ANKRD33B: variants seen among roughly 807,000 people sequenced by gnomAD.
ANKRD33B encodes the protein ankyrin repeat domain 33B, also known as ankyrin repeat domain-containing protein 33B.
In ANKRD33B, 6 loss-of-function variants were observed where a neutral mutation model predicts 21.5. The ratio of observed to expected loss-of-function variants is 0.28; its 90% CI spans 0.15 to 0.55. The LOEUF is 0.55. Ranked by LOEUF, ANKRD33B falls within the 20% of genes least tolerant of loss-of-function variation. ANKRD33B has a pLI of 0.94. For missense variants in ANKRD33B, 698 were observed against 747.2 expected (o/e 0.93, Z 0.77); for synonymous variants, 347 against 342.4 (o/e 1.01, Z -0.15).
intron 1 of ANKRD33B, among the ~76,000 whole-genome samples, chr5:10,583,821 G>C (rs1228319209): frequency 6.6e-6 from 1 of 152,210 alleles, no homozygotes; most frequent in Non-Finnish European, 1.5e-5. Flanking sequence ...TCCTGGCTCT[G>C]TAAATGCTTC....
intron 1 of ANKRD33B, among the ~76,000 whole-genome samples, chr5:10,569,323 G>C (rs1405405683): frequency 6.6e-6 from 1 of 152,176 alleles, no homozygotes. Context: ...TAGGCTGGGC[G>C]TGGTGGCTCC....
At chr5:10,569,002 A>C (rs1297728337) in intron 1 of ANKRD33B, among the ~76,000 whole-genome samples, 1 of 152,148 alleles carries the variant, frequency 6.6e-6, no homozygotes, top group East Asian at 1.9e-4. Context: ...ATTTATAGCG[A>C]TGATCAGGGC....
At chr5:10,608,063 A>G (rs1467354859) in intron 1 of ANKRD33B, among the ~76,000 whole-genome samples, 2 of 152,122 alleles carry the variant, frequency 1.3e-5, no homozygotes, top group African/African-American at 4.8e-5. Flanking sequence ...GAATAGCAAC[A>G]GCAGGCTGAG....
At chr5:10,638,273 A>C in intron 3 of ANKRD33B, 105 bp downstream of exon 3, 1 of 1,331,564 alleles carries the variant, frequency 7.5e-7, no homozygotes, top group Non-Finnish European at 1.0e-6. Flanking sequence ...AACAATGCCT[A>C]GTTGCTGCAA....
intron 1 of ANKRD33B, among the ~76,000 whole-genome samples, chr5:10,604,238 C>A (rs1268359640): frequency 1.5e-5 from 2 of 129,810 alleles, no homozygotes; most frequent in Non-Finnish European, 3.1e-5. Flanking sequence ...GTCACCCGGG[C>A]TGGAGTACAG....
intron 1 of ANKRD33B, among the ~76,000 whole-genome samples, chr5:10,605,509 GT>G (rs1736027979): frequency 6.6e-6 from 1 of 151,454 alleles, no homozygotes; most frequent in African/African-American, 2.4e-5. Context: ...TTCTCATTGA[GT>G]TTCTTTCTTT....
chr5:10,612,500 T>C (rs552422985), intron 1 of ANKRD33B, among the ~76,000 whole-genome samples: 43 of 152,350 alleles, frequency 2.8e-4, no homozygotes, highest in African/African-American at 9.9e-4. Context: ...ATATGAATTT[T>C]GAAGGGACAC....
chr5:10,587,151 A>C (rs539542498), intron 1 of ANKRD33B, among the ~76,000 whole-genome samples: 1 of 152,240 alleles, frequency 6.6e-6, no homozygotes, highest in Admixed American at 6.5e-5. Flanking sequence ...AGTAGCTGGG[A>C]TTACAGACGC....
intron 1 of ANKRD33B, among the ~76,000 whole-genome samples, chr5:10,582,627 G>A (rs1304004059): frequency 6.6e-6 from 1 of 152,178 alleles, no homozygotes; most frequent in Non-Finnish European, 1.5e-5. Context: ...TGTCACAGAA[G>A]CCAGGTGACT....
intron 2 of ANKRD33B, among the ~76,000 whole-genome samples, chr5:10,623,277 C>T (rs1287437008): frequency 1.3e-5 from 2 of 152,184 alleles, no homozygotes; most frequent in African/African-American, 2.4e-5. Context: ...CGGAATTTTG[C>T]AGGGTTCACT....
At chr5:10,575,337 A>G (rs903237731) in intron 1 of ANKRD33B, among the ~76,000 whole-genome samples, 2 of 151,250 alleles carry the variant, frequency 1.3e-5, no homozygotes, top group East Asian at 3.9e-4. Flanking sequence ...GCAGGGGCAG[A>G]ATTGCTTGAA....
rs1485458487 is a variant in ANKRD33B, at chr5:10,649,560, T to G, written c.932T>G (p.Met311Arg). ...DGGVLDHMVR[M>R]TTSLYSPAVA... ...GGCGTCCTGGACCACATGGTCCGGATGACCACGAGCCTCTACAGCCCCGCC... is the reference window on the plus strand; with the variant it reads ...GGCGTCCTGGACCACATGGTCCGGAGGACCACGAGCCTCTACAGCCCCGCC... Residue 311 changes from methionine to arginine, a missense_variant, in exon 4 of 4, where the codon ATG becomes AGG. Around this residue, in one of 3 missense-constraint regions of ANKRD33B, gnomAD observed 543 missense variants for 566.5 expected, o/e 0.96. Transcript: ENST00000296657. 1 of 1,526,344 alleles carries G rather than the reference T, an allele frequency of 6.6e-7. No individual in the cohort carries two copies. The highest frequency in any genetic ancestry group is 8.8e-7 in the Non-Finnish European group (1 of 1,141,918). 94.6% of individuals were successfully genotyped at this position (1,526,344 alleles called of 1,614,324 possible).
At chr5:10,630,881 A>AAAT in intron 2 of ANKRD33B, among the ~76,000 whole-genome samples, 1 of 151,574 alleles carries the variant, frequency 6.6e-6, no homozygotes, top group Non-Finnish European at 1.5e-5. Flanking sequence ...AAAAAAAAAA[A>AAAT]AAAAAGAAGA....
chr5:10,576,973 G>A lies in ANKRD33B; in HGVS notation c.366+12140G>A, dbSNP rs1346848768. ...GAAATGGAACAGAAGCCTGTTGTGG[G>A]TGGGAGGAGAATCGGAAGCGGCATA... On this transcript the variant is annotated intron_variant, in intron 1 of 3. Transcript: ENST00000296657. This position sits in a 1 kb window ranked among gnomAD's most constrained non-coding sequence, Gnocchi z 4.1. Among the ~76,000 whole-genome samples, 3 of 152,280 alleles carry A rather than the reference G, an allele frequency of 2.0e-5. No individual in the cohort carries two copies. The highest frequency in any genetic ancestry group is 2.1e-4 in the South Asian group (1 of 4,826).
chr5:10,608,196 C>CAAAA (rs1297621309), intron 1 of ANKRD33B, among the ~76,000 whole-genome samples: 1 of 113,208 alleles, frequency 8.8e-6, no homozygotes. Flanking sequence ...TAAAAAAATA[C>CAAAA]AAAAAAAAAA....
At position 10,649,300 on chromosome 5, in the gene ANKRD33B, G is replaced by C. The variant is rs13174184; in HGVS notation, c.672G>C (p.Gly224=). The change falls in exon 4 of 4, where the codon GGG becomes GGC. Residue 224 remains glycine, a synonymous_variant. Coordinates refer to ENST00000296657, the MANE Select transcript of ANKRD33B (RefSeq NM_001164440.2). Reference sequence around the variant, plus strand: ...TCCACGCGAGGGACCCCCGCCGTGGGATGTCGCCGCAGGAGTGGGCCACTT... The same window carrying C: ...TCCACGCGAGGGACCCCCGCCGTGGCATGTCGCCGCAGGAGTGGGCCACTT... ...ADVHARDPRR[G]MSPQEWATYT... The C allele has an allele frequency of 0.022, 33,369 of 1,530,376 alleles. 1,628 individuals carry two copies. Among genetic ancestry groups the C allele is most frequent in the East Asian group, 0.22 (8,864 of 40,726 alleles). The allele number at this position is 1,530,376 out of a possible 1,614,324, so 94.8% of individuals were successfully genotyped here.
chr5:10,572,528 A>T (rs140021496), intron 1 of ANKRD33B, among the ~76,000 whole-genome samples: 2 of 152,296 alleles, frequency 1.3e-5, no homozygotes, highest in African/African-American at 4.8e-5. Flanking sequence ...GAGGTGCCAT[A>T]GGTGCTCCCG....
chr5:10,649,344 C>G lies in ANKRD33B; in HGVS notation c.716C>G (p.Ala239Gly). The change falls in exon 4 of 4, where the codon GCC (alanine) becomes GGC (glycine). Residue 239 changes from alanine to glycine, a missense_variant. By Grantham distance (60) the Ala-to-Gly change is moderately conservative. Transcript: ENST00000296657. Reference sequence around the variant, plus strand: ...GCCACTTACACGGGCCGCGTGGATGCCGTCCGTCTCATGCAGAGGCTGCTG... The same window carrying G: ...GCCACTTACACGGGCCGCGTGGATGGCGTCCGTCTCATGCAGAGGCTGCTG... ...EWATYTGRVDAVRLMQRLLER... is the reference protein window; with the variant it reads ...EWATYTGRVDGVRLMQRLLER... 6.5e-7 allele frequency: 1 copy of G among 1,535,210 alleles called. No homozygotes were observed. Among genetic ancestry groups the G allele is most frequent in the Non-Finnish European group, 8.7e-7 (1 of 1,146,692 alleles).
chr5:10,565,482 G>C (rs978215311), intron 1 of ANKRD33B, among the ~76,000 whole-genome samples: 8 of 152,260 alleles, frequency 5.3e-5, no homozygotes, highest in Non-Finnish European at 1.0e-4. Flanking sequence ...TCACCTTCGC[G>C]AGCCAATGCC....
Sources: allele counts gnomAD v4.1 joint callset (sites outside exome capture counted in the v4.1 genomes callset), GRCh38; gene constraint gnomAD v4.1.1; regional missense constraint gnomAD v4.1.1; non-coding constraint Gnocchi (gnomAD v3.1); transcripts MANE v1.5; gene names NCBI Gene and HGNC (gene_info 2026-07-23, HGNC 2026-07-21).